Variants in FHIT observed in about 807,000 individuals in gnomAD.
The protein encoded by FHIT is bis(5'-adenosyl)-triphosphatase.
A neutral mutation model predicts 17.9 loss-of-function variants in FHIT; 19 were observed. The observed-to-expected ratio is 1.06, with a 90% confidence interval of 0.74 to 1.56. The LOEUF is 1.56. FHIT is among the 40% of genes most tolerant of loss of function. The pLI, the probability that FHIT is intolerant of heterozygous loss-of-function variation, is 0.00. For synonymous variants in FHIT, 81 were observed against 69.7 expected, an observed-to-expected ratio of 1.16 and a Z score of -0.81; for missense variants, 248 against 189.2, an observed-to-expected ratio of 1.31 and a Z score of -1.82.
At chr3:60,199,638 TC>T (rs1252121958) in intron 5 of FHIT, among the ~76,000 whole-genome samples, 1 of 152,168 alleles carries the variant, frequency 6.6e-6, no homozygotes, top group African/African-American at 2.4e-5. Context: ...AAGACTGGCT[TC>T]AGGATTCCTT....
At chr3:60,077,079 A>C (rs1703041880) in intron 5 of FHIT, among the ~76,000 whole-genome samples, 1 of 151,976 alleles carries the variant, frequency 6.6e-6, no homozygotes, top group East Asian at 1.9e-4. Flanking sequence ...TTTTTTTCAT[A>C]GCAAACAAAG....
chr3:60,131,590 C>T (rs1699598275), intron 5 of FHIT, among the ~76,000 whole-genome samples: 1 of 152,118 alleles, frequency 6.6e-6, no homozygotes, highest in Non-Finnish European at 1.5e-5. Flanking sequence ...AGCCTTTCCC[C>T]CCAGTTCTCC....
intron 4 of FHIT, among the ~76,000 whole-genome samples, chr3:60,806,186 G>A (rs577748173): frequency 6.6e-6 from 1 of 152,130 alleles, no homozygotes; most frequent in African/African-American, 2.4e-5. Context: ...TGGAATTTGT[G>A]GGATTCAGTT....
chr3:60,614,526 C>G (rs1553674898), intron 4 of FHIT, among the ~76,000 whole-genome samples: 1 of 152,150 alleles, frequency 6.6e-6, no homozygotes, highest in South Asian at 2.1e-4. Context: ...ATTGCTTGAA[C>G]CCGGGAGGCA....
chr3:60,073,341 C>G (rs986942687), intron 5 of FHIT, among the ~76,000 whole-genome samples: 1 of 151,982 alleles, frequency 6.6e-6, no homozygotes, highest in African/African-American at 2.4e-5. Context: ...ACTCACTCAC[C>G]TTGCCTTATC....
chr3:60,088,468 A>T (rs1330536811), intron 5 of FHIT, among the ~76,000 whole-genome samples: 3 of 152,154 alleles, frequency 2.0e-5, no homozygotes, highest in Non-Finnish European at 4.4e-5. Flanking sequence ...TTCATGCATA[A>T]AGTGCTATTC....
At chr3:59,844,328 T>C (rs1216001945) in intron 8 of FHIT, among the ~76,000 whole-genome samples, 1 of 152,198 alleles carries the variant, frequency 6.6e-6, no homozygotes, top group East Asian at 1.9e-4. Context: ...TTAAGTACTA[T>C]GTTGAATACA....
chr3:60,457,568 A>G (rs2032183876), intron 5 of FHIT, among the ~76,000 whole-genome samples: 1 of 152,230 alleles, frequency 6.6e-6, no homozygotes, highest in African/African-American at 2.4e-5. Context: ...AACAAAAGCC[A>G]AAATTGACAA....
At chr3:59,814,665 A>G (rs1700531518) in intron 8 of FHIT, among the ~76,000 whole-genome samples, 1 of 152,188 alleles carries the variant, frequency 6.6e-6, no homozygotes, top group South Asian at 2.1e-4. Flanking sequence ...GCTTTTAAAC[A>G]TAATATTTCT....
chr3:59,843,056 G>A (rs759557569), intron 8 of FHIT, among the ~76,000 whole-genome samples: 10 of 151,928 alleles, frequency 6.6e-5, no homozygotes, highest in Non-Finnish European at 1.3e-4. Flanking sequence ...AAGTTAGGTC[G>A]GAGACTCATT....
At chr3:60,202,195 T>A (rs564832889) in intron 5 of FHIT, among the ~76,000 whole-genome samples, 281 of 152,338 alleles carry the variant, frequency 1.8e-3, no homozygotes, top group Middle Eastern at 3.4e-3. Context: ...ATTGTGCCTT[T>A]AAAGCATATC....
intron 4 of FHIT, among the ~76,000 whole-genome samples, chr3:60,803,558 C>G (rs1215295887): frequency 3.3e-5 from 5 of 152,106 alleles, no homozygotes; most frequent in East Asian, 1.9e-4. Flanking sequence ...GATGAGAAAG[C>G]CTTTTATGTG....
chr3:60,555,187 C>T (rs955345043), intron 4 of FHIT, among the ~76,000 whole-genome samples: 3 of 152,156 alleles, frequency 2.0e-5, no homozygotes, highest in Non-Finnish European at 4.4e-5. Flanking sequence ...AATCCAAAGC[C>T]GTCCCAAACT....
rs1221551514 is a variant in FHIT at position 60,736,439 on chromosome 3, C to G, written c.-18+85480G>C. Among the ~76,000 whole-genome samples the G allele has an allele frequency of 2.6e-5, 4 of 152,130 alleles. No homozygotes were observed. In the South Asian group the frequency reaches 6.2e-4, roughly 24 times the overall value. On this transcript the variant is annotated intron_variant, in intron 4 of 9. Transcript: ENST00000492590. Reference sequence around the variant, plus strand: ...GGATAAACAAAATGTGTCATATCCACACAATGGGCATTATTTGGCAATAAA... The same window carrying G: ...GGATAAACAAAATGTGTCATATCCAGACAATGGGCATTATTTGGCAATAAA...
At chr3:60,709,020 T>C (rs948050968) in intron 4 of FHIT, among the ~76,000 whole-genome samples, 1 of 152,210 alleles carries the variant, frequency 6.6e-6, no homozygotes, top group East Asian at 1.9e-4. Flanking sequence ...CTTTAGAGAA[T>C]GTTTCTCTAG....
chr3:59,837,702 A>C (rs1164802865), intron 8 of FHIT, among the ~76,000 whole-genome samples: 1 of 152,172 alleles, frequency 6.6e-6, no homozygotes, highest in Non-Finnish European at 1.5e-5. Flanking sequence ...TTCTATGAGG[A>C]GCACTATAGC....
At chr3:60,496,412 G>C (rs2034301604) in intron 5 of FHIT, among the ~76,000 whole-genome samples, 1 of 152,136 alleles carries the variant, frequency 6.6e-6, no homozygotes, top group Non-Finnish European at 1.5e-5. Flanking sequence ...TACTCCACTG[G>C]ATAATTGGAG....
chr3:60,079,689 T>C (rs546994331), intron 5 of FHIT, among the ~76,000 whole-genome samples: 21 of 152,136 alleles, frequency 1.4e-4, no homozygotes, highest in African/African-American at 1.9e-4. Context: ...GGGAAGGAAA[T>C]AAATGGTGAG....
intron 5 of FHIT, among the ~76,000 whole-genome samples, chr3:60,515,195 C>A (rs563561520): frequency 1.3e-5 from 2 of 152,028 alleles, no homozygotes; most frequent in African/African-American, 2.4e-5. Flanking sequence ...CTAGTGTGAG[C>A]GGAAGCTGGG....
Sources: allele counts gnomAD v4.1 joint callset (sites outside exome capture counted in the v4.1 genomes callset), GRCh38; gene constraint gnomAD v4.1.1; transcripts MANE v1.5; gene names NCBI Gene and HGNC (gene_info 2026-07-23, HGNC 2026-07-21).